RBFOX1: variants seen among roughly 807,000 people sequenced by gnomAD.
RBFOX1 encodes RNA binding protein fox-1 homolog 1.
In RBFOX1, 8 loss-of-function variants were observed where a neutral mutation model predicts 57.7. The observed-to-expected ratio is 0.14, with a 90% CI of 0.08 to 0.25. RBFOX1 has a LOEUF of 0.25. RBFOX1 is among the 10% of genes least tolerant of loss of function. The probability of loss-of-function intolerance (pLI) is 1.00; values close to 1 mark genes in which losing one functional copy is unlikely to be tolerated. For synonymous variants in RBFOX1, 326 were observed against 222.4 expected, an observed-to-expected ratio of 1.47 and a Z score of -4.15; for missense variants, 611 against 548.5, an observed-to-expected ratio of 1.11 and a Z score of -1.14.
intron 1 of RBFOX1, among the ~76,000 whole-genome samples, chr16:6,064,578 G>T (rs144391184): frequency 0.012 from 1,753 of 151,932 alleles, 31 homozygotes; most frequent in African/African-American, 0.04. Context: ...GTGTCGCTCT[G>T]TCACCAGGCT....
intron 4 of RBFOX1, among the ~76,000 whole-genome samples, chr16:7,487,301 C>G (rs570795778): frequency 6.6e-6 from 1 of 152,134 alleles, no homozygotes; most frequent in Non-Finnish European, 1.5e-5. Context: ...TCTCAAATAG[C>G]GGCCCCATCA....
intron 2 of RBFOX1, among the ~76,000 whole-genome samples, chr16:6,646,432 G>A (rs1004215769): frequency 6.6e-6 from 1 of 152,032 alleles, no homozygotes. Flanking sequence ...GGGAAATGGC[G>A]AGAGCTCTGA....
At chr16:7,084,538 C>G (rs1036015394) in intron 4 of RBFOX1, among the ~76,000 whole-genome samples, 10 of 152,028 alleles carry the variant, frequency 6.6e-5, no homozygotes, top group East Asian at 1.9e-4. Flanking sequence ...CAGCAATGCC[C>G]CAAAAGAAAG....
At chr16:6,264,429 C>G (rs764030274) in intron 1 of RBFOX1, among the ~76,000 whole-genome samples, 1 of 152,060 alleles carries the variant, frequency 6.6e-6, no homozygotes, top group Admixed American at 6.6e-5. Context: ...GTTGGAAACC[C>G]GTCAAATAGT....
intron 4 of RBFOX1, among the ~76,000 whole-genome samples, chr16:7,305,178 C>A (rs148433680): frequency 6.6e-6 from 1 of 151,908 alleles, no homozygotes; most frequent in Non-Finnish European, 1.5e-5. Context: ...AGTGGTCTTG[C>A]TGAGGGAGTC....
At chr16:5,743,470 G>A (rs746078017) in intron 3 of RBFOX1, among the ~76,000 whole-genome samples, 12 of 152,228 alleles carry the variant, frequency 7.9e-5, no homozygotes, top group Non-Finnish European at 1.6e-4. Context: ...AAGCTGTGCC[G>A]TTCAATATGG....
At chr16:6,382,255 G>C (rs966537910) in intron 2 of RBFOX1, among the ~76,000 whole-genome samples, 4 of 152,184 alleles carry the variant, frequency 2.6e-5, no homozygotes, top group Admixed American at 2.0e-4. Context: ...GTGGGCCTGC[G>C]GTCTGAAAGC....
At chr16:5,248,841 T>C (rs1278288694) in intron 1 of RBFOX1, among the ~76,000 whole-genome samples, 1 of 151,712 alleles carries the variant, frequency 6.6e-6, no homozygotes, top group African/African-American at 2.4e-5. Flanking sequence ...ATACAATAAT[T>C]AGCTGGGCGA....
chr16:6,905,067 T>C (rs1202527617), intron 3 of RBFOX1, among the ~76,000 whole-genome samples: 3 of 152,160 alleles, frequency 2.0e-5, no homozygotes, highest in Non-Finnish European at 4.4e-5. Context: ...CTTAATAAAC[T>C]TCGTTTAACT....
At chr16:5,747,420 C>T (rs943830456) in intron 3 of RBFOX1, among the ~76,000 whole-genome samples, 1 of 152,070 alleles carries the variant, frequency 6.6e-6, no homozygotes, top group Admixed American at 6.6e-5. Flanking sequence ...GGGAGGATTC[C>T]CTCTTTTTCT....
intron 2 of RBFOX1, among the ~76,000 whole-genome samples, chr16:6,379,516 T>G (rs1159896181): frequency 1.3e-5 from 2 of 151,796 alleles, no homozygotes; most frequent in Non-Finnish European, 2.9e-5. Context: ...AAGAACCCAC[T>G]GAAAAAAACT....
intron 4 of RBFOX1, among the ~76,000 whole-genome samples, chr16:7,352,023 C>G (rs1019330409): frequency 6.6e-6 from 1 of 152,188 alleles, no homozygotes; most frequent in African/African-American, 2.4e-5. Flanking sequence ...CAGTTCTTGA[C>G]TTGGGGTGGC....
intron 3 of RBFOX1, among the ~76,000 whole-genome samples, chr16:5,649,962 G>A (rs1039444624): frequency 2.6e-5 from 4 of 152,222 alleles, no homozygotes; most frequent in South Asian, 2.1e-4. Flanking sequence ...GGTGGAACAC[G>A]CGGGGAGGTC....
In RBFOX1 at chr16:7,159,989, T is replaced by G. The variant is rs187269976; in HGVS notation, c.27+107891T>G. Among the ~76,000 whole-genome samples, 605 of 152,314 alleles carry G rather than the reference T, an allele frequency of 4.0e-3. 4 individuals carry two copies. The highest frequency in any genetic ancestry group is 0.013 in the African/African-American group (558 of 41,570). ...CTTGAGGGGGGAGTTGTCATACTAC[T>G]TAATTGTTTTGTGTTTTCTTGACAT... On this transcript the variant is annotated intron_variant, in intron 4 of 15. Coordinates refer to ENST00000550418, the MANE Select transcript of RBFOX1 (RefSeq NM_018723.4).
At chr16:5,843,648 CATT>C (rs1042776406) in intron 3 of RBFOX1, among the ~76,000 whole-genome samples, 2 of 152,186 alleles carry the variant, frequency 1.3e-5, no homozygotes, top group African/African-American at 4.8e-5. Flanking sequence ...ATTTTTAACA[CATT>C]ATACCCAAGC....
At position 6,060,139 on chromosome 16, in the gene RBFOX1, T is replaced by G. The variant is rs1394886324; in HGVS notation, c.-127+40147T>G. 1.7e-4 allele frequency among the ~76,000 whole-genome samples: 4 copies of G among 23,822 alleles called. No individual in the cohort carries two copies. The East Asian group carries it at 4.5e-3, about 27-fold the overall frequency. 15.6% of individuals were successfully genotyped at this position (23,822 alleles called of 152,430 possible). ...GGATTAGGGTTTTTTTTTTTTTTTT[T>G]TTTTTTTTTTTTTTTTTTTACGTAT... is the stretch of plus-strand genomic sequence containing the variant. On this transcript the variant is annotated intron_variant, in intron 1 of 15. Transcript: ENST00000550418.
At position 6,400,011 on chromosome 16, in the gene RBFOX1, A is replaced by G. The variant is rs538849997; in HGVS notation, c.-64+82954A>G. Among the ~76,000 whole-genome samples the G allele has an allele frequency of 2.6e-5, 4 of 152,256 alleles. No individual in the cohort carries two copies. The East Asian group carries it at 7.7e-4, about 29-fold the overall frequency. On this transcript the variant is annotated intron_variant, in intron 2 of 15. Coordinates refer to ENST00000550418, the MANE Select transcript of RBFOX1 (RefSeq NM_018723.4). ...CCTCCTGTCAGGTCCCTCCCACAAC[A>G]TGTGAGGATTATGAGAACTGCAATT... is the stretch of plus-strand genomic sequence containing the variant.
At chr16:7,369,595 C>A (rs1040294805) in intron 4 of RBFOX1, among the ~76,000 whole-genome samples, 1 of 152,096 alleles carries the variant, frequency 6.6e-6, no homozygotes, top group Non-Finnish European at 1.5e-5. Flanking sequence ...CTTTAATATG[C>A]TGATTATCTC....
chr16:6,323,394 C>T (rs1034295843), intron 2 of RBFOX1, among the ~76,000 whole-genome samples: 2 of 152,180 alleles, frequency 1.3e-5, no homozygotes, highest in African/African-American at 4.8e-5. Context: ...GTCTTCCCCA[C>T]TGGACTGGAG....
Sources: allele counts gnomAD v4.1 joint callset (sites outside exome capture counted in the v4.1 genomes callset), GRCh38; gene constraint gnomAD v4.1.1; transcripts MANE v1.5; gene names NCBI Gene and HGNC (gene_info 2026-07-23, HGNC 2026-07-21).